The following LSAMP variants were observed in gnomAD, a reference collection of about 807,000 sequenced individuals.
LSAMP encodes the protein limbic system-associated membrane protein.
In LSAMP, 7 loss-of-function variants were observed where a neutral mutation model predicts 38.6. That is an observed-to-expected ratio of 0.18 (90% confidence interval 0.10 to 0.34). LSAMP has a LOEUF of 0.34. Among genes scored for constraint, LSAMP ranks in the 10% least tolerant of loss-of-function variants. LSAMP has a pLI of 1.00. For missense variants in LSAMP, 313 were observed against 420.0 expected, an observed-to-expected ratio of 0.75 and a Z score of 2.23; for synonymous variants, 154 against 166.8, an observed-to-expected ratio of 0.92 and a Z score of 0.59.
At chr3:116,181,942 C>T (rs1197764740) in intron 1 of LSAMP, among the ~76,000 whole-genome samples, 1 of 151,858 alleles carries the variant, frequency 6.6e-6, no homozygotes, top group African/African-American at 2.4e-5. Context: ...TCAGTCTATC[C>T]AATGATTGCA....
At chr3:116,277,207 A>T (rs1457839436) in intron 1 of LSAMP, among the ~76,000 whole-genome samples, 2 of 152,234 alleles carry the variant, frequency 1.3e-5, no homozygotes, top group African/African-American at 4.8e-5. Flanking sequence ...TGTGGTCAGC[A>T]TGGGCTGATA....
At chr3:116,148,004 C>A (rs1709527070) in intron 1 of LSAMP, among the ~76,000 whole-genome samples, 1 of 149,396 alleles carries the variant, frequency 6.7e-6, no homozygotes, top group Admixed American at 6.6e-5. Flanking sequence ...CCAGAGTTGA[C>A]CTAATTCTAT....
chr3:115,903,947 G>A (rs888485592), intron 3 of LSAMP, among the ~76,000 whole-genome samples: 2 of 152,158 alleles, frequency 1.3e-5, no homozygotes, highest in African/African-American at 4.8e-5. Flanking sequence ...TCTTGGGTTT[G>A]CATAGCTCAC....
chr3:116,176,180 C>T (rs973138840), intron 1 of LSAMP, among the ~76,000 whole-genome samples: 3 of 152,052 alleles, frequency 2.0e-5, no homozygotes, highest in African/African-American at 7.2e-5. Flanking sequence ...CAATTTCAGA[C>T]ACTTTATGGA....
intron 1 of LSAMP, among the ~76,000 whole-genome samples, chr3:116,288,276 C>G (rs943103870): frequency 3.3e-5 from 5 of 152,194 alleles, no homozygotes; most frequent in Non-Finnish European, 7.3e-5. Flanking sequence ...CCATTCACAT[C>G]TGCTGCTGCT....
intron 2 of LSAMP, among the ~76,000 whole-genome samples, chr3:116,064,761 T>G: frequency 6.6e-6 from 1 of 152,316 alleles, no homozygotes; most frequent in Admixed American, 6.5e-5. Flanking sequence ...ATGATTGTTA[T>G]TGTTGCATTC....
chr3:116,312,693 C>T (rs1043199764), intron 1 of LSAMP, among the ~76,000 whole-genome samples: 1 of 152,148 alleles, frequency 6.6e-6, no homozygotes, highest in African/African-American at 2.4e-5. Context: ...CTCATACCCA[C>T]GCTATGGGAT....
chr3:115,931,846 A>T (rs1298275284), intron 3 of LSAMP, among the ~76,000 whole-genome samples: 1 of 152,168 alleles, frequency 6.6e-6, no homozygotes, highest in Non-Finnish European at 1.5e-5. Flanking sequence ...TGTCTCCAAA[A>T]CAAAGGACGA....
intron 1 of LSAMP, among the ~76,000 whole-genome samples, chr3:116,341,870 A>G (rs1340629017): frequency 3.9e-5 from 6 of 152,012 alleles, no homozygotes; most frequent in Non-Finnish European, 8.8e-5. Flanking sequence ...TGATGAAAGA[A>G]ATGGAATGAT....
intron 1 of LSAMP, among the ~76,000 whole-genome samples, chr3:116,144,510 A>G (rs1332998424): frequency 4.0e-5 from 6 of 151,784 alleles, no homozygotes; most frequent in Admixed American, 3.9e-4. Flanking sequence ...GTGACAGAGT[A>G]AGATCCTGTC....
At chr3:116,172,709 G>GA (rs2107555601) in intron 1 of LSAMP, among the ~76,000 whole-genome samples, 1 of 152,080 alleles carries the variant, frequency 6.6e-6, no homozygotes, top group East Asian at 1.9e-4. Flanking sequence ...ATGTGGGATA[G>GA]AAATATAAGC....
chr3:115,841,807 T>C (rs1446136631), intron 6 of LSAMP, 38 bp downstream of exon 6: 4 of 1,560,432 alleles, frequency 2.6e-6, no homozygotes, highest in Non-Finnish European at 3.5e-6. Context: ...AAAGTCAATT[T>C]AATTCCATCA....
intron 1 of LSAMP, among the ~76,000 whole-genome samples, chr3:116,306,844 A>C (rs938280373): frequency 2.0e-5 from 3 of 152,030 alleles, no homozygotes; most frequent in Non-Finnish European, 4.4e-5. Flanking sequence ...TCATATCAGC[A>C]GGCATGTCTC....
At chr3:116,296,618 C>T (rs997595937) in intron 1 of LSAMP, among the ~76,000 whole-genome samples, 20 of 147,078 alleles carry the variant, frequency 1.4e-4, no homozygotes, top group African/African-American at 4.9e-4. Context: ...TGGCGTTAAC[C>T]CGGGAGGCAG....
intron 1 of LSAMP, among the ~76,000 whole-genome samples, chr3:116,292,143 A>T (rs1322765010): frequency 6.6e-6 from 1 of 152,154 alleles, no homozygotes; most frequent in African/African-American, 2.4e-5. Context: ...TATTTATTTC[A>T]TTTCTGCAGT....
chr3:116,144,656 A>C (rs892328024), intron 1 of LSAMP, among the ~76,000 whole-genome samples: 4 of 149,834 alleles, frequency 2.7e-5, no homozygotes. Context: ...TTTTTTATTA[A>C]CCTGGTCAAA....
chr3:116,255,786 T>A (rs947015174), intron 1 of LSAMP, among the ~76,000 whole-genome samples: 3 of 152,118 alleles, frequency 2.0e-5, no homozygotes, highest in Non-Finnish European at 2.9e-5. Flanking sequence ...CCAAATCAGC[T>A]TTGGCTATAG....
At chr3:116,371,128 T>G (rs544283303) in intron 1 of LSAMP, among the ~76,000 whole-genome samples, 1 of 152,172 alleles carries the variant, frequency 6.6e-6, no homozygotes, top group South Asian at 2.1e-4. Flanking sequence ...TACCAAACAT[T>G]TAAAGAACAC....
intron 1 of LSAMP, among the ~76,000 whole-genome samples, chr3:116,222,236 TCCTA>T (rs1440472814): frequency 6.7e-6 from 1 of 150,014 alleles, no homozygotes; most frequent in African/African-American, 2.5e-5. Flanking sequence ...GGCTCACATA[TCCTA>T]TGATGTTATC....
Sources: gnomAD v4.1 joint callset for allele counts (sites outside exome capture counted in the v4.1 genomes callset) on GRCh38, gnomAD v4.1.1 for gene constraint, MANE v1.5 for transcripts, NCBI Gene and HGNC (gene_info 2026-07-23, HGNC 2026-07-21) for gene names.